RNF11: variants seen among roughly 807,000 people sequenced by gnomAD.
RNF11 encodes the protein ring finger protein 11.
In RNF11, 4 loss-of-function variants were observed where a neutral mutation model predicts 15.8. That is an observed-to-expected ratio of 0.25 (90% CI 0.12 to 0.58). The LOEUF (loss-of-function observed/expected upper bound fraction) is 0.58. Among genes scored for constraint, RNF11 ranks in the 20% least tolerant of loss-of-function variants. RNF11 has a pLI of 0.91. For missense variants in RNF11, 139 were observed against 194.4 expected (o/e 0.71, Z 1.70); for synonymous variants, 68 against 72.3 (o/e 0.94, Z 0.30).
At chr1:51,243,509 G>A (rs751149371) in intron 1 of RNF11, among the ~76,000 whole-genome samples, 3 of 152,144 alleles carry the variant, frequency 2.0e-5, no homozygotes, top group Non-Finnish European at 4.4e-5. Flanking sequence ...TGCCACCTCA[G>A]CTCACTGCAG....
intron 1 of RNF11, among the ~76,000 whole-genome samples, chr1:51,238,584 A>G (rs763807882): frequency 2.6e-5 from 4 of 152,192 alleles, no homozygotes; most frequent in Non-Finnish European, 5.9e-5. Context: ...ATTTTTTCCA[A>G]AGTAAGTTGT....
At chr1:51,252,044 T>A (rs1360038153) in intron 1 of RNF11, among the ~76,000 whole-genome samples, 2 of 122,232 alleles carry the variant, frequency 1.6e-5, no homozygotes, top group Admixed American at 1.1e-4. Context: ...GCCACTGCAC[T>A]CCAGCCAGGG....
chr1:51,262,329 A>G (rs928381726), intron 1 of RNF11, among the ~76,000 whole-genome samples: 1 of 152,230 alleles, frequency 6.6e-6, no homozygotes, highest in Non-Finnish European at 1.5e-5. Context: ...TTAACTCAGA[A>G]TGGTTCATAC....
chr1:51,238,077 C>A (rs372108106), intron 1 of RNF11, among the ~76,000 whole-genome samples: 20 of 152,174 alleles, frequency 1.3e-4, no homozygotes, highest in African/African-American at 4.3e-4. Context: ...CTCCCTCTTA[C>A]GTTCTATATT....
intron 1 of RNF11, among the ~76,000 whole-genome samples, chr1:51,239,721 T>C (rs1316141677): frequency 6.6e-6 from 1 of 152,222 alleles, no homozygotes; most frequent in Admixed American, 6.5e-5. Context: ...AGCAGATTTA[T>C]AGTATTCTCA....
chr1:51,239,760 T>G (rs554724144), intron 1 of RNF11, among the ~76,000 whole-genome samples: 10 of 152,154 alleles, frequency 6.6e-5, no homozygotes, highest in Non-Finnish European at 1.2e-4. Flanking sequence ...TTCAACAAAT[T>G]ATATGTAATT....
At chr1:51,256,332 G>T (rs1274804326) in intron 1 of RNF11, among the ~76,000 whole-genome samples, 1 of 152,156 alleles carries the variant, frequency 6.6e-6, no homozygotes, top group Non-Finnish European at 1.5e-5. Flanking sequence ...AGCCTTTTCA[G>T]ATTGGCTTCT....
Position 51,270,010 on chromosome 1 carries a change from A to G in RNF11, c.178A>G (p.Thr60Ala), listed in dbSNP as rs759816298. 1.9e-6 allele frequency: 3 copies of G among 1,613,690 alleles called. No individual in the cohort carries two copies. In the South Asian group the frequency reaches 3.3e-5, roughly 18 times the overall value. The change falls in exon 2 of 3, where the codon ACT becomes GCT. Residue 60 changes from threonine (T) to alanine (A), a missense_variant. Transcript: ENST00000242719. ...AACACCTAGCCAGACTCGGCTAGCA[A>G]CTCAGCTGACTGAAGAGGAACAAAT... is the stretch of plus-strand genomic sequence containing the variant. The part of the protein sequence containing the change: ...HPTPSQTRLA[T>A]QLTEEEQIRI...
chr1:51,239,871 CAA>C (rs922598278), intron 1 of RNF11, among the ~76,000 whole-genome samples: 4 of 152,154 alleles, frequency 2.6e-5, no homozygotes, highest in East Asian at 1.9e-4. Flanking sequence ...CATATAATGA[CAA>C]GAGCCAGTTA....
chr1:51,248,468 C>T (rs1282775172), intron 1 of RNF11, among the ~76,000 whole-genome samples: 1 of 152,050 alleles, frequency 6.6e-6, no homozygotes, highest in Non-Finnish European at 1.5e-5. Context: ...TCACAAAGTG[C>T]TGGGATTACT....
chr1:51,243,003 CAACT>C (rs1323001356), intron 1 of RNF11, among the ~76,000 whole-genome samples: 2 of 152,200 alleles, frequency 1.3e-5, no homozygotes, highest in Non-Finnish European at 2.9e-5. Flanking sequence ...AGGGGCAGAT[CAACT>C]AACTCCACCT....
chr1:51,267,061 C>T (rs1236154596), intron 1 of RNF11, among the ~76,000 whole-genome samples: 2 of 151,984 alleles, frequency 1.3e-5, no homozygotes, highest in African/African-American at 2.4e-5. Context: ...GCCTGGTCAG[C>T]GAGACACTGT....
intron 1 of RNF11, among the ~76,000 whole-genome samples, chr1:51,240,982 G>A (rs72896455): frequency 0.022 from 3,284 of 151,948 alleles, 106 homozygotes; most frequent in African/African-American, 0.067. Context: ...AAGGCCAACT[G>A]ATTTTTGTAC....
chr1:51,264,508 C>G (rs928038005), intron 1 of RNF11, among the ~76,000 whole-genome samples: 2 of 151,722 alleles, frequency 1.3e-5, no homozygotes, highest in Non-Finnish European at 2.9e-5. Context: ...ATTTTATGGT[C>G]TTAAATGTCA....
chr1:51,269,963 T>A lies in RNF11; in HGVS notation c.131T>A (p.Val44Asp). 1 of 1,610,224 alleles carries A rather than the reference T, an allele frequency of 6.2e-7. No homozygotes were observed. Among genetic ancestry groups the A allele is most frequent in the Non-Finnish European group, 8.5e-7 (1 of 1,178,528 alleles). Residue 44 changes from valine (V) to aspartate (D), a missense_variant, in exon 2 of 3, where the codon GTT (valine) becomes GAT (aspartate). Coordinates refer to ENST00000242719, the MANE Select transcript of RNF11 (RefSeq NM_014372.5). The stretch of plus-strand genomic sequence containing the variant: ...TATATTTTAATATTTTAGGAACAAG[T>A]TCCAGTTCCAGTCTACCACCCAACA... ...QEPPPPYQEQ[V>D]PVPVYHPTPS...
In RNF11 at chr1:51,272,923, T is replaced by C. The variant is rs1178663579; in HGVS notation, c.*1601T>C. 2 of 152,176 alleles carry C rather than the reference T, an allele frequency of 1.3e-5. No individual in the cohort carries two copies. The highest frequency in any genetic ancestry group is 4.8e-5 in the African/African-American group (2 of 41,458). The allele number at this position is 152,176 out of a possible 1,614,324, so 9.4% of individuals were successfully genotyped here. On this transcript the variant is annotated 3_prime_UTR_variant, in exon 3 of 3. Transcript: ENST00000242719. ...TTTGTAAAGATTTGACATTCAACTGTAGTATCCATATGTTGCTTAAATTTC... is the reference window on the plus strand; with the variant it reads ...TTTGTAAAGATTTGACATTCAACTGCAGTATCCATATGTTGCTTAAATTTC...
intron 1 of RNF11, among the ~76,000 whole-genome samples, chr1:51,266,313 A>G (rs1037660188): frequency 6.6e-6 from 1 of 151,826 alleles, no homozygotes; most frequent in African/African-American, 2.4e-5. Flanking sequence ...CAACCCAGGT[A>G]TTTTCACTTG....
chr1:51,242,685 A>G (rs1646835694), intron 1 of RNF11, among the ~76,000 whole-genome samples: 1 of 151,196 alleles, frequency 6.6e-6, no homozygotes, highest in Non-Finnish European at 1.5e-5. Context: ...CTAGTTTCGA[A>G]CTCCTGGGCT....
intron 1 of RNF11, among the ~76,000 whole-genome samples, chr1:51,240,430 G>A (rs1188664755): frequency 1.3e-5 from 2 of 152,038 alleles, no homozygotes; most frequent in Non-Finnish European, 2.9e-5. Context: ...TAACCTGGAA[G>A]TCCCTCTCAC....
Sources: gnomAD v4.1 joint callset for allele counts (sites outside exome capture counted in the v4.1 genomes callset) on GRCh38, gnomAD v4.1.1 for gene constraint, MANE v1.5 for transcripts, NCBI Gene and HGNC (gene_info 2026-07-23, HGNC 2026-07-21) for gene names.